The following TNFRSF18 variants were observed in gnomAD, a reference collection of about 807,000 sequenced individuals.
The protein encoded by TNFRSF18 is tumor necrosis factor receptor superfamily member 18.
A neutral mutation model predicts 30.2 loss-of-function variants in TNFRSF18; 36 were observed. The observed-to-expected ratio is 1.19, with a 90% CI of 0.91 to 1.58. TNFRSF18 has a LOEUF of 1.58. Ranked by LOEUF, TNFRSF18 falls within the 40% of genes most tolerant of loss-of-function variation. The probability of loss-of-function intolerance (pLI) is 0.00; values close to 1 mark genes in which losing one functional copy is unlikely to be tolerated. For synonymous variants in TNFRSF18, 173 were observed against 158.3 expected, an observed-to-expected ratio of 1.09 and a Z score of -0.70; for missense variants, 369 against 345.4, an observed-to-expected ratio of 1.07 and a Z score of -0.54.
At position 1,203,653 on chromosome 1, in the gene TNFRSF18, C is replaced by T. The variant is rs764196360; in HGVS notation, c.*191G>A. 6 of 1,549,550 alleles carry T rather than the reference C, an allele frequency of 3.9e-6. No individual in the cohort carries two copies. Among genetic ancestry groups the T allele is most frequent in the Non-Finnish European group, 5.2e-6 (6 of 1,155,830 alleles). Reference sequence around the variant, plus strand: ...GGGGGCCATGACTGTGTCTCTCTCTCCCTCCTGCAGGGCCCAGCCGCGGCC... The same window carrying T: ...GGGGGCCATGACTGTGTCTCTCTCTTCCTCCTGCAGGGCCCAGCCGCGGCC... On this transcript the variant is annotated 3_prime_UTR_variant, in exon 5 of 5. Coordinates refer to ENST00000379268, the MANE Select transcript of TNFRSF18 (RefSeq NM_004195.3).
In TNFRSF18 at chr1:1,203,782, C is replaced by A; in HGVS notation, c.*62G>T. 2 of 1,566,092 alleles carry A rather than the reference C, an allele frequency of 1.3e-6. No individual in the cohort carries two copies. Among genetic ancestry groups the A allele is most frequent in the Admixed American group, 3.6e-5 (2 of 55,060 alleles). Reference sequence around the variant, plus strand: ...CCCAGAGCAGAACGCAGAGCCCCTGCGGCCTGGGGAGCTCCTGGGGAGGGG... The same window carrying A: ...CCCAGAGCAGAACGCAGAGCCCCTGAGGCCTGGGGAGCTCCTGGGGAGGGG... On this transcript the variant is annotated 3_prime_UTR_variant, in exon 5 of 5. Transcript: ENST00000379268.
Position 1,203,652 on chromosome 1 carries a change from T to TCC in TNFRSF18, c.*190_*191dup, listed in dbSNP as rs1557497891. 6.5e-7 allele frequency: 1 copy of TCC among 1,548,754 alleles called. No individual in the cohort carries two copies. The highest frequency in any genetic ancestry group is 8.7e-7 in the Non-Finnish European group (1 of 1,155,534). On this transcript the variant is annotated 3_prime_UTR_variant, in exon 5 of 5. Coordinates refer to ENST00000379268, the MANE Select transcript of TNFRSF18 (RefSeq NM_004195.3). ...AGGGGGCCATGACTGTGTCTCTCTC[T>TCC]CCCTCCTGCAGGGCCCAGCCGCGGC... is the stretch of plus-strand genomic sequence containing the variant.
At position 1,204,384 on chromosome 1, in the gene TNFRSF18, C is replaced by A. The variant is rs1328505825; in HGVS notation, c.398+15G>T. ...TGGACCACCCGGCCACCGGCAGGGC[C>A]CACCCAGGACTCACTCTGTCCAAGG... is the stretch of plus-strand genomic sequence containing the variant. On this transcript the variant is annotated intron_variant, in intron 3 of 4. Coordinates refer to ENST00000379268, the MANE Select transcript of TNFRSF18 (RefSeq NM_004195.3). 6.2e-7 allele frequency: 1 copy of A among 1,611,094 alleles called. No individual in the cohort carries two copies. Among genetic ancestry groups the A allele is most frequent in the East Asian group, 2.2e-5 (1 of 44,804 alleles).
Position 1,206,431 on chromosome 1 carries a change from C to A in TNFRSF18, c.141G>T (p.Ala47=). ...GCGTCGTGTGAACCCGGCAGCAGCG[C>A]GCGTCCGTTCCCGTCCCAAGCAGGA... ...GRLLLGTGTD[A]RCCRVHTTRC... is the part of the protein sequence containing the mutation. The change falls in exon 1 of 5, where the codon GCG becomes GCT. Residue 47 remains alanine, a synonymous_variant. Coordinates refer to ENST00000379268, the MANE Select transcript of TNFRSF18 (RefSeq NM_004195.3). 2 of 1,547,428 alleles carry A rather than the reference C, an allele frequency of 1.3e-6. No individual in the cohort carries two copies. The highest frequency in any genetic ancestry group is 1.7e-6 in the Non-Finnish European group (2 of 1,146,238).
Position 1,204,157 on chromosome 1 carries a change from C to T in TNFRSF18, c.478G>A (p.Ala160Thr). ...NAVCVPGSPPAEPLGWLTVVL... is the reference protein window; with the variant it reads ...NAVCVPGSPPTEPLGWLTVVL... ...ACGGTCAGCCACCCAAGCGGCTCTG[C>T]CGGCGGGGACCCTGGGACGCACACA... is the stretch of plus-strand genomic sequence containing the variant. Residue 160 changes from alanine to threonine, a missense_variant, in exon 4 of 5, where the codon GCA (alanine) becomes ACA (threonine). Physicochemically the swap from Ala to Thr is moderately conservative, Grantham distance 58. Transcript: ENST00000379268. The T allele has an allele frequency of 1.2e-6, 2 of 1,611,988 alleles. No individual in the cohort carries two copies. Among genetic ancestry groups the T allele is most frequent in the Non-Finnish European group, 1.7e-6 (2 of 1,179,638 alleles).
Position 1,203,593 on chromosome 1 carries a change from A to C in TNFRSF18, c.*251T>G. 6.6e-7 allele frequency: 1 copy of C among 1,509,410 alleles called. No homozygotes were observed. Among genetic ancestry groups the C allele is most frequent in the Non-Finnish European group, 8.8e-7 (1 of 1,137,914 alleles). The allele number at this position is 1,509,410 out of a possible 1,614,324, so 93.5% of individuals were successfully genotyped here. A position where few individuals can be genotyped will look rare whatever the true frequency, so the allele number is the denominator to read the frequency against. On this transcript the variant is annotated 3_prime_UTR_variant, in exon 5 of 5. Coordinates refer to ENST00000379268, the MANE Select transcript of TNFRSF18 (RefSeq NM_004195.3). ...ACCCACGGACACAGCCTCCCGTCCT[A>C]AGACCCCACCCCATCAGGGCCAGCA...
rs771765242 is a variant in TNFRSF18 at position 1,203,628 on chromosome 1, G to A, written c.*216C>T. 61 of 1,537,372 alleles carry A rather than the reference G, an allele frequency of 4.0e-5. No individual in the cohort carries two copies. Among genetic ancestry groups the A allele is most frequent in the Non-Finnish European group, 5.1e-5 (59 of 1,150,494 alleles). On this transcript the variant is annotated 3_prime_UTR_variant, in exon 5 of 5. Coordinates refer to ENST00000379268, the MANE Select transcript of TNFRSF18 (RefSeq NM_004195.3). ...CCCATCAGGGCCAGCAAGGGAGGAAGGGGGCCATGACTGTGTCTCTCTCTC... is the reference window on the plus strand; with the variant it reads ...CCCATCAGGGCCAGCAAGGGAGGAAAGGGGCCATGACTGTGTCTCTCTCTC...
chr1:1,204,914 C>T (rs1648740139), intron 2 of TNFRSF18, among the ~76,000 whole-genome samples: 1 of 152,194 alleles, frequency 6.6e-6, no homozygotes, highest in Non-Finnish European at 1.5e-5. Flanking sequence ...GTACCTTCTC[C>T]CAGCTCTCAT....
In TNFRSF18 at chr1:1,203,906, C is replaced by A; in HGVS notation, c.664G>T (p.Glu222Ter). 2 of 1,607,408 alleles carry A rather than the reference C, an allele frequency of 1.2e-6. No homozygotes were observed. The highest frequency in any genetic ancestry group is 2.2e-5 in the East Asian group (1 of 44,860). Reference protein sequence around the residue: ...TEDARSCQFPEEERGERSAEE... With the variant: ...TEDARSCQFP Reference sequence around the variant, plus strand: ...GCCGATCGCTCGCCCCGCTCTTCCTCGGGGAACTGGCAGCTTCTGGCGTCT... The same window carrying A: ...GCCGATCGCTCGCCCCGCTCTTCCTAGGGGAACTGGCAGCTTCTGGCGTCT... The change falls in exon 5 of 5, where the codon GAG (glutamate) becomes TAG (stop). Residue 222 changes from glutamate (E) to a stop codon, truncating the protein, a stop_gained. Transcript: ENST00000379268. LOFTEE classifies it high-confidence loss of function.
rs773001443 is a variant in TNFRSF18 at position 1,205,313 on chromosome 1, G to A, written c.310+57C>T. 5.9e-5 allele frequency: 94 copies of A among 1,579,972 alleles called. 1 individual carries two copies. Among genetic ancestry groups the A allele is most frequent in the South Asian group, 3.8e-4 (33 of 86,752 alleles). On this transcript the variant is annotated intron_variant, in intron 2 of 4. Transcript: ENST00000379268. Reference sequence around the variant, plus strand: ...CACCTGTGCCCACGAGCTCTGCCTCGGGCCCTAGTGGAACCCCTGGCCTGT... The same window carrying A: ...CACCTGTGCCCACGAGCTCTGCCTCAGGCCCTAGTGGAACCCCTGGCCTGT...
intron 2 of TNFRSF18, 56 bp downstream of exon 2, chr1:1,205,314 G>A: frequency 6.3e-7 from 1 of 1,581,682 alleles, no homozygotes; most frequent in Non-Finnish European, 8.6e-7. Context: ...CTCTGCCTCG[G>A]GCCCTAGTGG....
At position 1,204,032 on chromosome 1, in the gene TNFRSF18, A is replaced by G. The variant is rs1042495109; in HGVS notation, c.601+2T>C. On this transcript the variant is annotated splice_donor_variant, in intron 4 of 4. Transcript: ENST00000379268. LOFTEE classifies it high-confidence loss of function. ...ACCTCCCCGCACCAGGCTGTGACAG[A>G]CCTCGGGGCCACATGCACTGACTCC... 1 of 1,606,840 alleles carries G rather than the reference A, an allele frequency of 6.2e-7. No homozygotes were observed. The highest frequency in any genetic ancestry group is 8.5e-7 in the Non-Finnish European group (1 of 1,177,708).
chr1:1,203,512 T>C lies in TNFRSF18; in HGVS notation c.*332A>G. On this transcript the variant is annotated 3_prime_UTR_variant, in exon 5 of 5. Coordinates refer to ENST00000379268, the MANE Select transcript of TNFRSF18 (RefSeq NM_004195.3). ...CCCAGCATGCATCCACTCAGGTCACTGGACAAGTGTTTATTGAAGGTCCCC... is the reference window on the plus strand; with the variant it reads ...CCCAGCATGCATCCACTCAGGTCACCGGACAAGTGTTTATTGAAGGTCCCC... 7.1e-7 allele frequency: 1 copy of C among 1,403,922 alleles called. No individual in the cohort carries two copies. The highest frequency in any genetic ancestry group is 9.2e-7 in the Non-Finnish European group (1 of 1,082,174). The allele number at this position is 1,403,922 out of a possible 1,614,324, so 87.0% of individuals were successfully genotyped here. A position where few individuals can be genotyped will look rare whatever the true frequency, so the allele number is the denominator to read the frequency against.
chr1:1,204,899 C>T (rs917654836), intron 2 of TNFRSF18, among the ~76,000 whole-genome samples: 2 of 152,180 alleles, frequency 1.3e-5, no homozygotes, highest in African/African-American at 2.4e-5. Flanking sequence ...ACAACCTCCC[C>T]AGTTGTACCT....
Position 1,203,789 on chromosome 1 carries a change from G to T in TNFRSF18, c.*55C>A. ...CAGAACGCAGAGCCCCTGCGGCCTG[G>T]GGAGCTCCTGGGGAGGGGCTGGCTG... On this transcript the variant is annotated 3_prime_UTR_variant, in exon 5 of 5. Coordinates refer to ENST00000379268, the MANE Select transcript of TNFRSF18 (RefSeq NM_004195.3). The T allele has an allele frequency of 6.4e-7, 1 of 1,569,816 alleles. No homozygotes were observed. The highest frequency in any genetic ancestry group is 1.3e-5 in the African/African-American group (1 of 74,428).
Position 1,203,907 on chromosome 1 carries a change from G to A in TNFRSF18, c.663C>T (p.Pro221=), listed in dbSNP as rs199916456. Residue 221 remains proline, a synonymous_variant, in exon 5 of 5, where the codon CCC becomes CCT. Coordinates refer to ENST00000379268, the MANE Select transcript of TNFRSF18 (RefSeq NM_004195.3). ...STEDARSCQF[P]EEERGERSAE... is the part of the protein sequence containing the mutation. ...CCGATCGCTCGCCCCGCTCTTCCTC[G>A]GGGAACTGGCAGCTTCTGGCGTCTT... The A allele has an allele frequency of 1.1e-4, 182 of 1,607,424 alleles. No homozygotes were observed. The East Asian group carries it at 2.3e-3, about 20-fold the overall frequency.
At position 1,206,462 on chromosome 1, in the gene TNFRSF18, C is replaced by T; in HGVS notation, c.110G>A (p.Gly37Glu). 1 of 1,546,916 alleles carries T rather than the reference C, an allele frequency of 6.5e-7. No individual in the cohort carries two copies. The highest frequency in any genetic ancestry group is 8.7e-7 in the Non-Finnish European group (1 of 1,146,010). ...RPTGGPGCGP[G>E]RLLLGTGTDA... is the part of the protein sequence containing the mutation. The stretch of plus-strand genomic sequence containing the variant: ...CGTTCCCGTCCCAAGCAGGAGGCGC[C>T]CAGGGCCGCACCCGGGACCCCCGGT... The change falls in exon 1 of 5, where the codon GGG (glycine) becomes GAG (glutamate). Residue 37 changes from glycine (G) to glutamate (E), a missense_variant. By Grantham distance (98) the Gly-to-Glu change is moderately conservative. Coordinates refer to ENST00000379268, the MANE Select transcript of TNFRSF18 (RefSeq NM_004195.3).
intron 3 of TNFRSF18, 76 bp downstream of exon 3, chr1:1,204,323 C>T: frequency 6.3e-7 from 1 of 1,594,308 alleles, no homozygotes; most frequent in South Asian, 1.1e-5. Flanking sequence ...CTGTCTGGGG[C>T]AAGGGACAGG....
Position 1,204,495 on chromosome 1 carries a change from G to A in TNFRSF18, c.311-9C>T. 6.3e-7 allele frequency: 1 copy of A among 1,598,534 alleles called. No homozygotes were observed. Among genetic ancestry groups the A allele is most frequent in the Middle Eastern group, 1.7e-4 (1 of 5,872 alleles). Reference sequence around the variant, plus strand: ...GCCAAAACTGAATTTCCCTGGTGTGGGGTGTGGGGGGAGGGAGGGAGGGAG... The same window carrying A: ...GCCAAAACTGAATTTCCCTGGTGTGAGGTGTGGGGGGAGGGAGGGAGGGAG... On this transcript the variant is annotated splice_polypyrimidine_tract_variant and intron_variant, in intron 2 of 4. Transcript: ENST00000379268.
Sources: allele counts gnomAD v4.1 joint callset (sites outside exome capture counted in the v4.1 genomes callset), GRCh38; gene constraint gnomAD v4.1.1; transcripts MANE v1.5; gene names NCBI Gene and HGNC (gene_info 2026-07-23, HGNC 2026-07-21).